PPP2R3A: variants seen among roughly 807,000 people sequenced by gnomAD.
PPP2R3A encodes the protein protein phosphatase 2 regulatory subunit B''alpha.
PPP2R3A carries 80 observed loss-of-function variants against 106.9 expected under a neutral mutation model. The observed-to-expected ratio is 0.75, with a 90% CI of 0.62 to 0.90. The LOEUF is 0.90. PPP2R3A is among the 40% of genes least tolerant of loss of function. The pLI is 0.00. For missense variants in PPP2R3A, 1,386 were observed against 1,350.4 expected (o/e 1.03, Z -0.41); for synonymous variants, 483 against 468.3 (o/e 1.03, Z -0.41).
chr3:136,091,459 A>C (rs904719849), intron 10 of PPP2R3A, among the ~76,000 whole-genome samples: 4 of 152,090 alleles, frequency 2.6e-5, no homozygotes, highest in African/African-American at 9.7e-5. Flanking sequence ...CTACAGATAA[A>C]TGTTTTAAAT....
At chr3:136,042,051 T>C (rs1372122562) in intron 4 of PPP2R3A, among the ~76,000 whole-genome samples, 2 of 152,252 alleles carry the variant, frequency 1.3e-5, no homozygotes, top group Non-Finnish European at 1.5e-5. Context: ...CCTATTGTTA[T>C]TATTATTTAA....
In PPP2R3A at chr3:136,145,777, G is replaced by A. The variant is rs1402209638; in HGVS notation, c.*611G>A. On this transcript the variant is annotated 3_prime_UTR_variant, in exon 14 of 14. Transcript: ENST00000264977. ...TACATCCTCAGGTATTGTAACCACTGGGCCTTCCAACTTTGCTGGCAAGCT... is the reference window on the plus strand; with the variant it reads ...TACATCCTCAGGTATTGTAACCACTAGGCCTTCCAACTTTGCTGGCAAGCT... The A allele has an allele frequency of 2.6e-5, 4 of 152,478 alleles. No homozygotes were observed. The highest frequency in any genetic ancestry group is 9.7e-5 in the African/African-American group (4 of 41,402). 9.4% of individuals were successfully genotyped at this position (152,478 alleles called of 1,614,324 possible). A position where few individuals can be genotyped will look rare whatever the true frequency, so the allele number is the denominator to read the frequency against.
rs924982640 is a variant in PPP2R3A at position 136,001,803 on chromosome 3, C to T, written c.305C>T (p.Thr102Ile). The change falls in exon 2 of 14, where the codon ACA becomes ATA. Residue 102 changes from threonine to isoleucine, a missense_variant. Transcript: ENST00000264977. The part of the protein sequence containing the change: ...TGIPRVKRGS[T>I]FQNTYNLKDI... ...ATACCCAGGGTCAAGAGAGGATCTA[C>T]ATTTCAGAATACCTACAACTTAAAG... The T allele has an allele frequency of 6.2e-7, 1 of 1,614,192 alleles. No individual in the cohort carries two copies. The highest frequency in any genetic ancestry group is 1.1e-5 in the South Asian group (1 of 91,084).
At chr3:136,041,960 C>A (rs867601795) in intron 4 of PPP2R3A, among the ~76,000 whole-genome samples, 3 of 152,246 alleles carry the variant, frequency 2.0e-5, no homozygotes, top group South Asian at 2.1e-4. Flanking sequence ...TTTAACTGAT[C>A]AGCACCCTTG....
At chr3:136,099,917 TAAAA>T (rs553102059) in intron 10 of PPP2R3A, among the ~76,000 whole-genome samples, 2 of 125,204 alleles carry the variant, frequency 1.6e-5, no homozygotes, top group Admixed American at 8.0e-5. Flanking sequence ...TAACAGTTCT[TAAAA>T]AAAAAAAAAA....
At chr3:136,082,558 G>A in intron 8 of PPP2R3A, 137 bp downstream of exon 8, 1 of 870,842 alleles carries the variant, frequency 1.1e-6, no homozygotes. Context: ...ATTTTTAAGA[G>A]GGGATGAGTG....
chr3:136,063,491 T>C (rs528535741), intron 5 of PPP2R3A, among the ~76,000 whole-genome samples: 4 of 152,216 alleles, frequency 2.6e-5, no homozygotes, highest in South Asian at 2.1e-4. Context: ...AGGCAACCTA[T>C]AGAATGGGAG....
chr3:135,989,899 A>G (rs571556470), intron 1 of PPP2R3A, among the ~76,000 whole-genome samples: 2 of 152,244 alleles, frequency 1.3e-5, no homozygotes, highest in East Asian at 3.9e-4. Context: ...AAAAATCTCC[A>G]TGACTGTTTA....
chr3:136,140,005 CAAAAAAA>C (rs370749523), intron 13 of PPP2R3A, among the ~76,000 whole-genome samples: 1 of 84,262 alleles, frequency 1.2e-5, no homozygotes, highest in Admixed American at 1.4e-4. Context: ...GACTCTGTCT[CAAAAAAA>C]AAAAAAAAAA....
At chr3:136,052,243 T>G (rs1026464414) in intron 5 of PPP2R3A, among the ~76,000 whole-genome samples, 1 of 152,198 alleles carries the variant, frequency 6.6e-6, no homozygotes, top group Non-Finnish European at 1.5e-5. Flanking sequence ...TCTTTGGGGC[T>G]CTCTTGCTGA....
chr3:136,092,309 G>A (rs1937112369), intron 10 of PPP2R3A, among the ~76,000 whole-genome samples: 1 of 152,086 alleles, frequency 6.6e-6, no homozygotes, highest in African/African-American at 2.4e-5. Flanking sequence ...CAGCCTGGGT[G>A]ACAAGAGCAA....
intron 5 of PPP2R3A, among the ~76,000 whole-genome samples, chr3:136,050,349 AT>A (rs1935642301): frequency 6.6e-6 from 1 of 152,196 alleles, no homozygotes; most frequent in Non-Finnish European, 1.5e-5. Flanking sequence ...CTGGATTTGA[AT>A]TTCTAACTTT....
chr3:136,089,566 CTT>C (rs1450763125), intron 9 of PPP2R3A, among the ~76,000 whole-genome samples: 1 of 147,722 alleles, frequency 6.8e-6, no homozygotes, highest in East Asian at 2.0e-4. Context: ...GCTATTGGGA[CTT>C]TGTTTTTGGT....
intron 8 of PPP2R3A, among the ~76,000 whole-genome samples, chr3:136,084,056 G>A (rs1468211807): frequency 2.0e-5 from 3 of 152,206 alleles, no homozygotes; most frequent in African/African-American, 7.2e-5. Context: ...GCAGAAATTT[G>A]CATAAATAAT....
At chr3:135,999,225 A>G (rs2107784610) in intron 1 of PPP2R3A, among the ~76,000 whole-genome samples, 1 of 152,336 alleles carries the variant, frequency 6.6e-6, no homozygotes, top group East Asian at 1.9e-4. Context: ...AGCATCTGAC[A>G]TATGTTAACT....
intron 1 of PPP2R3A, among the ~76,000 whole-genome samples, chr3:135,984,439 CAGCACAATCCT>C (rs1937579043): frequency 6.6e-6 from 1 of 152,108 alleles, no homozygotes; most frequent in African/African-American, 2.4e-5. Flanking sequence ...TTTAAATACT[CAGCACAATCCT>C]AGTAATATGG....
At position 136,082,354 on chromosome 3, in the gene PPP2R3A, C is replaced by T. The variant is rs772474620; in HGVS notation, c.2721C>T (p.Phe907=). The change falls in exon 8 of 14, where the codon TTC becomes TTT. Residue 907 remains phenylalanine (F), a synonymous_variant. Coordinates refer to ENST00000264977, the MANE Select transcript of PPP2R3A (RefSeq NM_002718.5). Reference sequence around the variant, plus strand: ...ATTTCTATGTTATTTATTGTAAATTCTGGGAACTAGATACTGATCACGACC... The same window carrying T: ...ATTTCTATGTTATTTATTGTAAATTTTGGGAACTAGATACTGATCACGACC... ...YEHFYVIYCK[F]WELDTDHDLY... is the part of the protein sequence containing the mutation. The T allele has an allele frequency of 1.9e-6, 3 of 1,612,278 alleles. No homozygotes were observed. In the East Asian group the frequency reaches 6.7e-5, roughly 36 times the overall value.
intron 13 of PPP2R3A, among the ~76,000 whole-genome samples, chr3:136,119,098 C>G (rs1425241960): frequency 6.6e-6 from 1 of 152,134 alleles, no homozygotes; most frequent in East Asian, 1.9e-4. Context: ...TTTGACAAAC[C>G]TGACAAAAAC....
intron 13 of PPP2R3A, among the ~76,000 whole-genome samples, chr3:136,109,913 T>C (rs1399487783): frequency 1.3e-5 from 2 of 152,070 alleles, no homozygotes; most frequent in African/African-American, 4.8e-5. Context: ...GATCTCTACC[T>C]GAATTTGACT....
Sources: allele counts gnomAD v4.1 joint callset (sites outside exome capture counted in the v4.1 genomes callset), GRCh38; gene constraint gnomAD v4.1.1; transcripts MANE v1.5; gene names NCBI Gene and HGNC (gene_info 2026-07-23, HGNC 2026-07-21).